Variants in METTL22 observed in about 807,000 individuals in gnomAD.
METTL22 encodes the protein methyltransferase-like protein 22.
A neutral mutation model predicts 48.4 loss-of-function variants in METTL22; 51 were observed. The observed-to-expected ratio is 1.05, with a 90% CI of 0.84 to 1.33. The LOEUF (loss-of-function observed/expected upper bound fraction) is 1.33. Among genes scored for constraint, METTL22 ranks in the 40% most tolerant of loss-of-function variants. METTL22 has a pLI of 0.00. For synonymous variants in METTL22, 255 were observed against 214.1 expected, an observed-to-expected ratio of 1.19 and a Z score of -1.67; for missense variants, 678 against 526.9, an observed-to-expected ratio of 1.29 and a Z score of -2.81.
the METTL22 span, among the ~76,000 whole-genome samples, chr16:8,659,898 G>C: frequency 1.3e-5 from 2 of 151,766 alleles, no homozygotes; most frequent in African/African-American, 4.8e-5. Flanking sequence ...CTAATTTTTT[G>C]TATTTCTTGT....
chr16:8,643,141 C>T (rs1213497189), intron 9 of METTL22, among the ~76,000 whole-genome samples: 2 of 152,206 alleles, frequency 1.3e-5, no homozygotes, highest in African/African-American at 4.8e-5. Context: ...GTTCGGAATC[C>T]ACAGCAAAAG....
chr16:8,646,017 T>G, intron 10 of METTL22, 91 bp from the exon 11 acceptor site: 2 of 1,584,982 alleles, frequency 1.3e-6, no homozygotes, highest in Non-Finnish European at 8.6e-7. Flanking sequence ...GTTGTCTAAC[T>G]ACTCTCCTTG....
intron 7 of METTL22, chr16:8,641,480 A>G (rs1251029237): frequency 1.8e-6 from 1 of 557,382 alleles, no homozygotes; most frequent in East Asian, 4.3e-5. Context: ...CAGCTGGTAC[A>G]CAGCAGGGTA....
chr16:8,635,010 G>A, intron 3 of METTL22, 29 bp from the exon 4 acceptor site: 1 of 1,612,908 alleles, frequency 6.2e-7, no homozygotes, highest in Non-Finnish European at 8.5e-7. Context: ...TTCACAGTGG[G>A]CATTTCTCTT....
At chr16:8,652,540 C>T (rs189736063), downstream of METTL22, among the ~76,000 whole-genome samples, 38 of 149,006 alleles carry the variant, frequency 2.6e-4, no homozygotes, top group African/African-American at 7.7e-4. Context: ...CATGTGTGGC[C>T]AGGTGCAGTG....
At chr16:8,637,076 C>T (rs1432159766) in intron 5 of METTL22, among the ~76,000 whole-genome samples, 1 of 152,128 alleles carries the variant, frequency 6.6e-6, no homozygotes, top group Non-Finnish European at 1.5e-5. Context: ...GTAGTGATCT[C>T]GTCAAGTGAA....
intron 7 of METTL22, chr16:8,641,710 G>A (rs1014689196): frequency 1.8e-5 from 7 of 391,038 alleles, no homozygotes; most frequent in Admixed American, 1.1e-4. Context: ...CACCTGCCTA[G>A]CACTTTGCGC....
the METTL22 span, among the ~76,000 whole-genome samples, chr16:8,662,178 G>A: frequency 1.0e-4 from 15 of 145,382 alleles, 2 homozygotes; most frequent in East Asian, 1.8e-3. Flanking sequence ...GGAGTTTGAG[G>A]TTACAGTGAA....
chr16:8,659,729 CT>C, the METTL22 span, among the ~76,000 whole-genome samples: 15 of 147,850 alleles, frequency 1.0e-4, no homozygotes, highest in East Asian at 7.9e-4. Context: ...AAGGACTTCG[CT>C]TTTTTTTTTT....
intron 6 of METTL22, among the ~76,000 whole-genome samples, chr16:8,640,013 G>A (rs1052991636): frequency 7.2e-5 from 11 of 152,124 alleles, no homozygotes; most frequent in African/African-American, 2.7e-4. Context: ...CACCCTCGGG[G>A]CTTCAGACCT....
At chr16:8,637,698 CAG>C (rs2056464515) in intron 5 of METTL22, among the ~76,000 whole-genome samples, 1 of 152,230 alleles carries the variant, frequency 6.6e-6, no homozygotes, top group African/African-American at 2.4e-5. Context: ...TTGCATGGAA[CAG>C]AGCTCCCACA....
intron 6 of METTL22, among the ~76,000 whole-genome samples, chr16:8,639,830 T>A (rs1367888129): frequency 6.6e-6 from 1 of 152,068 alleles, no homozygotes; most frequent in Non-Finnish European, 1.5e-5. Context: ...CCTTCAGTGG[T>A]TTACTGTTGC....
rs2056857644 is a variant in METTL22 at position 8,649,325 on chromosome 16, T to C, written c.*3182T>C. Reference sequence around the variant, plus strand: ...CATGTTTTATGGCCTTGTTTGAGCCTCTACAAGTGCTTGTTTGGCAGCGAT... The same window carrying C: ...CATGTTTTATGGCCTTGTTTGAGCCCCTACAAGTGCTTGTTTGGCAGCGAT... On this transcript the variant is annotated 3_prime_UTR_variant, in exon 11 of 11. Transcript: ENST00000381920. 2 of 152,190 alleles carry C rather than the reference T, an allele frequency of 1.3e-5. No individual in the cohort carries two copies. Among genetic ancestry groups the C allele is most frequent in the Admixed American group, 6.5e-5 (1 of 15,268 alleles). 9.4% of individuals were successfully genotyped at this position (152,190 alleles called of 1,614,324 possible).
In METTL22 at chr16:8,644,680, G is replaced by T. The variant is rs780313944; in HGVS notation, c.1134G>T (p.Glu378Asp). The T allele has an allele frequency of 6.2e-7, 1 of 1,605,076 alleles. No homozygotes were observed. Among genetic ancestry groups the T allele is most frequent in the Non-Finnish European group, 8.5e-7 (1 of 1,175,738 alleles). The change falls in exon 10 of 11, where the codon GAG (glutamate) becomes GAT (aspartate). Residue 378 changes from glutamate (E) to aspartate (D), a missense_variant. Physicochemically the swap from Glu to Asp is conservative, Grantham distance 45. Coordinates refer to ENST00000381920, the MANE Select transcript of METTL22 (RefSeq NM_024109.4). ...TGCGCTTCGTGGTGGAGCCCGTGGA[G>T]GCCTCCTTCCCACAGCTCCTGGTTT... The part of the protein sequence containing the change: ...GKLRFVVEPV[E>D]ASFPQLLVYE...
At chr16:8,656,452 C>T in the METTL22 span, among the ~76,000 whole-genome samples, 1 of 152,328 alleles carries the variant, frequency 6.6e-6, no homozygotes, top group African/African-American at 2.4e-5. Context: ...ATTGGAGAAG[C>T]AAAGATTAAG....
Position 8,635,260 on chromosome 16 carries a change from G to A in METTL22, c.648G>A (p.Thr216=), listed in dbSNP as rs35774820. ...GCTALELGAG[T]GLASIIAATM... is the part of the protein sequence containing the mutation. ...CAGCGCTGGAGCTCGGGGCCGGCAC[G>A]GGGCTCGCTAGCATCATCGCAGCCA... The change falls in exon 5 of 11, where the codon ACG becomes ACA. Residue 216 remains threonine (T), a synonymous_variant. Transcript: ENST00000381920. 2.4e-4 allele frequency: 383 copies of A among 1,607,190 alleles called. 2 individuals carry two copies. The African/African-American group carries it at 3.9e-3, about 16-fold the overall frequency.
the METTL22 span, among the ~76,000 whole-genome samples, chr16:8,658,529 G>A: frequency 2.4e-4 from 37 of 152,282 alleles, no homozygotes; most frequent in Admixed American, 3.9e-4. Context: ...GCTGAAGCCC[G>A]GTTGCTCCTC....
intron 9 of METTL22, among the ~76,000 whole-genome samples, chr16:8,643,702 C>G (rs1478737798): frequency 6.6e-6 from 1 of 152,156 alleles, no homozygotes; most frequent in African/African-American, 2.4e-5. Flanking sequence ...CAAGCGCCAC[C>G]TCCCGGGTTC....
downstream of METTL22, among the ~76,000 whole-genome samples, chr16:8,653,806 G>A (rs1008169465): frequency 2.0e-5 from 3 of 152,110 alleles, no homozygotes; most frequent in East Asian, 1.9e-4. Flanking sequence ...CTACTGAAAC[G>A]TTTCAGTAGG....
Sources: gnomAD v4.1 joint callset for allele counts (sites outside exome capture counted in the v4.1 genomes callset) on GRCh38, gnomAD v4.1.1 for gene constraint, MANE v1.5 for transcripts, NCBI Gene and HGNC (gene_info 2026-07-23, HGNC 2026-07-21) for gene names.